ATG5: variants seen among roughly 807,000 people sequenced by gnomAD.
The protein encoded by ATG5 is autophagy protein 5.
ATG5 carries 14 observed loss-of-function variants against 36.5 expected under a neutral mutation model. The observed-to-expected ratio is 0.38, with a 90% confidence interval of 0.25 to 0.60. The LOEUF (loss-of-function observed/expected upper bound fraction) is 0.60, where lower values mean the gene tolerates loss of function less well. Ranked by LOEUF, ATG5 falls within the 20% of genes least tolerant of loss-of-function variation. ATG5 has a pLI of 0.60. For synonymous variants in ATG5, 95 were observed against 101.5 expected (o/e 0.94, Z 0.38); for missense variants, 195 against 326.7 (o/e 0.60, Z 3.11).
At chr6:106,253,404 GA>G (rs1188439697) in intron 5 of ATG5, among the ~76,000 whole-genome samples, 1 of 152,174 alleles carries the variant, frequency 6.6e-6, no homozygotes. Flanking sequence ...TCTACCCAGG[GA>G]AATCTGTGGT....
intron 1 of ATG5, among the ~76,000 whole-genome samples, chr6:106,317,499 T>C (rs1421353426): frequency 6.6e-6 from 1 of 152,192 alleles, no homozygotes; most frequent in Non-Finnish European, 1.5e-5. Flanking sequence ...TGCAATGTCA[T>C]CTACAGGTAC....
intron 6 of ATG5, among the ~76,000 whole-genome samples, chr6:106,243,097 T>C (rs763810013): frequency 4.2e-4 from 64 of 152,202 alleles, no homozygotes; most frequent in Admixed American, 2.0e-3. Flanking sequence ...AAAAATGTAC[T>C]TTTTCTCTCC....
At chr6:106,290,518 C>T (rs545079739) in intron 4 of ATG5, among the ~76,000 whole-genome samples, 10 of 151,944 alleles carry the variant, frequency 6.6e-5, no homozygotes, top group East Asian at 1.9e-4. Flanking sequence ...ATGGGGTCTA[C>T]GTTGCCCAGG....
At chr6:106,252,547 C>G (rs938341467) in intron 5 of ATG5, among the ~76,000 whole-genome samples, 1 of 152,020 alleles carries the variant, frequency 6.6e-6, no homozygotes, top group African/African-American at 2.4e-5. Context: ...CTTTGTTACT[C>G]ACATGGACAA....
At chr6:106,263,357 C>T (rs1047279281) in intron 5 of ATG5, among the ~76,000 whole-genome samples, 3 of 152,208 alleles carry the variant, frequency 2.0e-5, no homozygotes, top group African/African-American at 7.2e-5. Flanking sequence ...GGCTAACAGA[C>T]AAAACCCCCA....
rs768845169 is a variant in ATG5 at position 106,265,736 on chromosome 6, C to G, written c.478+13925G>C. 2.6e-5 allele frequency among the ~76,000 whole-genome samples: 4 copies of G among 152,064 alleles called. No homozygotes were observed. The East Asian group carries it at 5.8e-4, about 22-fold the overall frequency. On this transcript the variant is annotated intron_variant, in intron 5 of 7. Coordinates refer to ENST00000369076, the MANE Select transcript of ATG5 (RefSeq NM_004849.4). ...CTGTACAACTACATGAAAACCGCTCCTAAATAACTACTTGGTAAATAACGA... is the reference window on the plus strand; with the variant it reads ...CTGTACAACTACATGAAAACCGCTCGTAAATAACTACTTGGTAAATAACGA...
intron 5 of ATG5, among the ~76,000 whole-genome samples, chr6:106,262,293 T>C (rs1291038574): frequency 6.6e-6 from 1 of 152,134 alleles, no homozygotes; most frequent in Non-Finnish European, 1.5e-5. Flanking sequence ...CTTGAACTCC[T>C]GACCTTGTGA....
chr6:106,190,630 T>A (rs1775936824), intron 7 of ATG5, among the ~76,000 whole-genome samples: 1 of 152,148 alleles, frequency 6.6e-6, no homozygotes, highest in South Asian at 2.1e-4. Flanking sequence ...CAAAGCACTT[T>A]TAGAAACCAG....
At chr6:106,249,256 C>G (rs1778468909) in intron 5 of ATG5, among the ~76,000 whole-genome samples, 1 of 152,102 alleles carries the variant, frequency 6.6e-6, no homozygotes, top group African/African-American at 2.4e-5. Flanking sequence ...TAGTCACTTC[C>G]CACTCCCCCT....
At chr6:106,282,304 T>C (rs1205331822) in intron 4 of ATG5, among the ~76,000 whole-genome samples, 1 of 152,224 alleles carries the variant, frequency 6.6e-6, no homozygotes, top group Non-Finnish European at 1.5e-5. Context: ...AAAGTTCCAG[T>C]CTTTGCAACA....
intron 3 of ATG5, 42 bp downstream of exon 3, chr6:106,308,322 A>G (rs1770527632): frequency 6.8e-7 from 1 of 1,478,162 alleles, no homozygotes; most frequent in African/African-American, 1.4e-5. Context: ...TTTTAAAGCT[A>G]GTATATACTT....
chr6:106,237,334 C>A lies in ATG5; in HGVS notation c.573+10816G>T, dbSNP rs1777941713. Among the ~76,000 whole-genome samples, 3 of 152,166 alleles carry A rather than the reference C, an allele frequency of 2.0e-5. No homozygotes were observed. In the South Asian group the frequency reaches 6.2e-4, roughly 32 times the overall value. On this transcript the variant is annotated intron_variant, in intron 6 of 7. Coordinates refer to ENST00000369076, the MANE Select transcript of ATG5 (RefSeq NM_004849.4). ...CTTCATTAACTGAACCAAACTATGC[C>A]CATGAAAGATCTCATATGCAACTGC...
chr6:106,259,476 C>T (rs1469297578), intron 5 of ATG5, among the ~76,000 whole-genome samples: 1 of 152,130 alleles, frequency 6.6e-6, no homozygotes, highest in Non-Finnish European at 1.5e-5. Context: ...TGAGTACTAA[C>T]ACCTGAAAAT....
intron 6 of ATG5, among the ~76,000 whole-genome samples, chr6:106,241,866 A>G (rs1200577640): frequency 6.6e-6 from 1 of 152,106 alleles, no homozygotes; most frequent in Non-Finnish European, 1.5e-5. Flanking sequence ...GACTCAAGGA[A>G]GAGCTGCCAA....
intron 7 of ATG5, among the ~76,000 whole-genome samples, chr6:106,195,090 GAGCTCATCATTAGTTACTCCACAAGCAGC>G (rs1396754292): frequency 2.0e-5 from 3 of 152,076 alleles, no homozygotes; most frequent in East Asian, 3.9e-4. Flanking sequence ...ACACACAAAA[GAGCTCATCATTAGTTACTCCACAAGCAGC>G]AGCTCATCAT....
At chr6:106,249,628 T>C (rs1235434299) in intron 5 of ATG5, among the ~76,000 whole-genome samples, 3 of 152,204 alleles carry the variant, frequency 2.0e-5, no homozygotes, top group African/African-American at 7.2e-5. Flanking sequence ...AACTACTGGG[T>C]CATTAGGTAA....
At chr6:106,205,235 G>C (rs1297622672) in intron 6 of ATG5, among the ~76,000 whole-genome samples, 1 of 152,150 alleles carries the variant, frequency 6.6e-6, no homozygotes, top group Non-Finnish European at 1.5e-5. Context: ...CTGGTGCAGT[G>C]GAAAAGGAAG....
chr6:106,253,017 A>C (rs1402634188), intron 5 of ATG5, among the ~76,000 whole-genome samples: 1 of 152,236 alleles, frequency 6.6e-6, no homozygotes, highest in African/African-American at 2.4e-5. Flanking sequence ...ATCATGTAAT[A>C]ATTGTATTGT....
intron 1 of ATG5, among the ~76,000 whole-genome samples, chr6:106,323,196 C>T (rs1380619411): frequency 6.6e-6 from 1 of 151,374 alleles, no homozygotes; most frequent in Non-Finnish European, 1.5e-5. Context: ...CTTGGCCTCC[C>T]AACAAAAAGT....
Sources: gnomAD v4.1 joint callset for allele counts (sites outside exome capture counted in the v4.1 genomes callset) on GRCh38, gnomAD v4.1.1 for gene constraint, MANE v1.5 for transcripts, NCBI Gene and HGNC (gene_info 2026-07-23, HGNC 2026-07-21) for gene names.